CD226: variants seen among roughly 807,000 people sequenced by gnomAD.
The protein encoded by CD226 is CD226 molecule.
Under a neutral mutation model 34.9 loss-of-function variants are expected in CD226, and 24 were observed. The observed-to-expected ratio is 0.69, with a 90% CI of 0.50 to 0.97. The LOEUF is 0.97. Ranked by LOEUF, CD226 falls within the 50% of genes least tolerant of loss-of-function variation. CD226 has a pLI of 0.00. For missense variants in CD226, 397 were observed against 412.7 expected, an observed-to-expected ratio of 0.96 and a Z score of 0.33; for synonymous variants, 148 against 147.4, an observed-to-expected ratio of 1.00 and a Z score of -0.03.
At chr18:69,876,004 T>A (rs1016674981) in intron 3 of CD226, among the ~76,000 whole-genome samples, 3 of 152,180 alleles carry the variant, frequency 2.0e-5, no homozygotes, top group Non-Finnish European at 2.9e-5. Flanking sequence ...ATGAGTTAAT[T>A]AATTGTGGTG....
At chr18:69,920,559 T>G (rs2055438937) in intron 2 of CD226, among the ~76,000 whole-genome samples, 1 of 152,188 alleles carries the variant, frequency 6.6e-6, no homozygotes, top group South Asian at 2.1e-4. Context: ...GTACTTACAA[T>G]TACTCCTCAA....
intron 2 of CD226, among the ~76,000 whole-genome samples, chr18:69,941,508 G>T (rs909302151): frequency 5.3e-5 from 8 of 152,238 alleles, no homozygotes; most frequent in African/African-American, 1.9e-4. Context: ...AGTCAAAGGA[G>T]ATCATTTTTG....
chr18:69,908,101 C>T (rs183368495), intron 2 of CD226, among the ~76,000 whole-genome samples: 29 of 152,294 alleles, frequency 1.9e-4, no homozygotes, highest in Admixed American at 1.6e-3. Context: ...CCAGGACTTA[C>T]CCACAGTAAT....
intron 2 of CD226, among the ~76,000 whole-genome samples, chr18:69,915,289 T>C (rs1447640250): frequency 6.6e-6 from 1 of 152,188 alleles, no homozygotes; most frequent in African/African-American, 2.4e-5. Context: ...AGAGTCCATA[T>C]GATGTATTTT....
Position 69,863,472 on chromosome 18 carries a change from T to C in CD226, c.*842A>G, listed in dbSNP as rs1306091877. On this transcript the variant is annotated 3_prime_UTR_variant, in exon 6 of 6. Transcript: ENST00000582621. ...AAATAAATATGAGAATAGTAAAGGA[T>C]TGCCCTCTCGCATTTATCTTCCTCT... The C allele has an allele frequency of 6.6e-6, 1 of 152,182 alleles. No homozygotes were observed. The highest frequency in any genetic ancestry group is 2.4e-5 in the African/African-American group (1 of 41,442). The allele number at this position is 152,182 out of a possible 1,614,324, so 9.4% of individuals were successfully genotyped here.
At chr18:69,947,323 G>T (rs1568208955) in intron 1 of CD226, 38 bp downstream of exon 1, 1 of 1,378,590 alleles carries the variant, frequency 7.3e-7, no homozygotes, top group South Asian at 1.3e-5. Context: ...AAAAACAGGA[G>T]CAAAACTTTT....
intron 3 of CD226, among the ~76,000 whole-genome samples, chr18:69,889,872 T>C (rs1984786284): frequency 6.6e-6 from 1 of 152,246 alleles, no homozygotes; most frequent in Admixed American, 6.5e-5. Flanking sequence ...AGTTTTGTAA[T>C]CTTAATTTAC....
upstream of CD226, among the ~76,000 whole-genome samples, chr18:69,949,254 T>C (rs1174294276): frequency 1.3e-5 from 2 of 152,130 alleles, no homozygotes; most frequent in African/African-American, 4.8e-5. Context: ...AACACATTCC[T>C]GAGAGGAACA....
intron 2 of CD226, among the ~76,000 whole-genome samples, chr18:69,931,577 G>A (rs1033612776): frequency 6.6e-6 from 1 of 152,166 alleles, no homozygotes; most frequent in Non-Finnish European, 1.5e-5. Context: ...TTAAGGTAGA[G>A]AGACCGACAG....
At position 69,927,381 on chromosome 18, in the gene CD226, C is replaced by CAA. The variant is rs751620735; in HGVS notation, c.382+19352_382+19353insTT. 2.9e-3 allele frequency among the ~76,000 whole-genome samples: 434 copies of CAA among 151,446 alleles called. 3 individuals carry two copies. The highest frequency in any genetic ancestry group is 6.8e-3 in the Middle Eastern group (2 of 292). ...AAGACACTACACACACACACACACA[C>CAA]ACACACAAACACACACACACACACA... On this transcript the variant is annotated intron_variant, in intron 2 of 5. Transcript: ENST00000582621.
chr18:69,865,596 A>C (rs1056248863), intron 5 of CD226, among the ~76,000 whole-genome samples: 1 of 152,206 alleles, frequency 6.6e-6, no homozygotes, highest in Non-Finnish European at 1.5e-5. Context: ...TGTATGACAG[A>C]GCACCAATTT....
rs141282007 is a variant in CD226 at position 69,864,337 on chromosome 18, G to A, written c.988C>T (p.Arg330Cys). Residue 330 changes from arginine (R) to cysteine (C), a missense_variant, in exon 6 of 6, where the codon CGC becomes TGC. Physicochemically the swap from Arg to Cys is radical, Grantham distance 180. Coordinates refer to ENST00000582621, the MANE Select transcript of CD226 (RefSeq NM_001303618.2). ...GCTTAAACTCTAGTCTTTGGTCTGC[G>A]AGAGAAGGTTGGATAGTTGACATAA... ...DIYVNYPTFS[R>C]RPKTRV 2,680 of 1,613,610 alleles carry A rather than the reference G, an allele frequency of 1.7e-3. 1 individual carries two copies. The highest frequency in any genetic ancestry group is 2.1e-3 in the Non-Finnish European group (2,513 of 1,179,770).
At position 69,863,348 on chromosome 18, in the gene CD226, G is replaced by A. The variant is rs1465428881; in HGVS notation, c.*966C>T. ...TAATTCTCAAAAGTAGACAAAATAT[G>A]TCCAAAACATTAAGTTATTTATTAT... On this transcript the variant is annotated 3_prime_UTR_variant, in exon 6 of 6. Transcript: ENST00000582621. The A allele has an allele frequency of 6.6e-6, 1 of 152,084 alleles. No individual in the cohort carries two copies. Among genetic ancestry groups the A allele is most frequent in the African/African-American group, 2.4e-5 (1 of 41,410 alleles). 9.4% of individuals were successfully genotyped at this position (152,084 alleles called of 1,614,324 possible).
chr18:69,959,648 G>C (rs1395017874), upstream of CD226, among the ~76,000 whole-genome samples: 24 of 149,070 alleles, frequency 1.6e-4, no homozygotes, highest in Non-Finnish European at 2.8e-4. Context: ...AACAATCATA[G>C]TTATTTTTTA....
Position 69,873,168 on chromosome 18 carries a change from G to T in CD226, c.806C>A (p.Thr269Asn). 1 of 1,599,878 alleles carries T rather than the reference G, an allele frequency of 6.3e-7. No individual in the cohort carries two copies. The highest frequency in any genetic ancestry group is 8.6e-7 in the Non-Finnish European group (1 of 1,167,146). The change falls in exon 4 of 6, where the codon ACC (threonine) becomes AAC (asparagine). Residue 269 changes from threonine (T) to asparagine (N), a missense_variant. Transcript: ENST00000582621. ...CCTGTTAAGGAAAATGACAATGATG[G>T]TGGTAATTGAGATAACAAACAACAA... ...LLLLFVISIT[T>N]IIVIFLNRRR...
chr18:69,913,853 G>GCTAA (rs2055355233), intron 2 of CD226, among the ~76,000 whole-genome samples: 1 of 152,134 alleles, frequency 6.6e-6, no homozygotes, highest in Non-Finnish European at 1.5e-5. Context: ...TAAAAGAATT[G>GCTAA]GAGAATTATA....
intron 2 of CD226, among the ~76,000 whole-genome samples, chr18:69,910,116 G>A (rs893402293): frequency 2.6e-5 from 4 of 152,196 alleles, no homozygotes; most frequent in African/African-American, 4.8e-5. Flanking sequence ...TTTCTCTTAT[G>A]CATTTTAAAA....
chr18:69,921,994 G>A (rs941122811), intron 2 of CD226, among the ~76,000 whole-genome samples: 3 of 151,948 alleles, frequency 2.0e-5, no homozygotes, highest in Admixed American at 1.3e-4. Flanking sequence ...CTGTTTTAGG[G>A]ACCTCGTTAT....
In CD226 at chr18:69,947,020, G is replaced by A. The variant is rs950936735; in HGVS notation, c.96C>T (p.Asn32=). ...ATGGATACACACATTCTAGAGACAT[G>A]TTCTCGGCAAAGGGAACTGATGTAT... ...LWHTSVPFAE[N]MSLECVYPSM... The change falls in exon 2 of 6, where the codon AAC becomes AAT. Residue 32 remains asparagine, a synonymous_variant. Coordinates refer to ENST00000582621, the MANE Select transcript of CD226 (RefSeq NM_001303618.2). 6.2e-7 allele frequency: 1 copy of A among 1,614,126 alleles called. No individual in the cohort carries two copies. The highest frequency in any genetic ancestry group is 1.7e-5 in the Admixed American group (1 of 60,018).
Sources: allele counts gnomAD v4.1 joint callset (sites outside exome capture counted in the v4.1 genomes callset), GRCh38; gene constraint gnomAD v4.1.1; transcripts MANE v1.5; gene names NCBI Gene and HGNC (gene_info 2026-07-23, HGNC 2026-07-21).